DAP: variants seen among roughly 807,000 people sequenced by gnomAD.
The protein encoded by DAP is death associated protein.
In DAP, 8 loss-of-function variants were observed where a neutral mutation model predicts 13.8. The ratio of observed to expected loss-of-function variants is 0.58; its 90% CI spans 0.34 to 1.05. The LOEUF (loss-of-function observed/expected upper bound fraction) is 1.05, where lower values mean the gene tolerates loss of function less well. DAP is among the 50% of genes least tolerant of loss of function. DAP has a pLI of 0.03. For missense variants in DAP, 106 were observed against 133.2 expected (o/e 0.80, Z 1.01); for synonymous variants, 47 against 47.5 (o/e 0.99, Z 0.04).
intron 2 of DAP, among the ~76,000 whole-genome samples, chr5:10,688,367 ATTTTTAAAT>A (rs1175261709): frequency 6.6e-6 from 1 of 152,164 alleles, no homozygotes; most frequent in African/African-American, 2.4e-5. Flanking sequence ...AGCATACAGA[ATTTTTAAAT>A]TTTTAAAATT....
chr5:10,717,248 G>A (rs1739013270), intron 2 of DAP, among the ~76,000 whole-genome samples: 1 of 152,230 alleles, frequency 6.6e-6, no homozygotes, highest in South Asian at 2.1e-4. Flanking sequence ...TGCCCTGAGT[G>A]AGAGTCTTAC....
intron 2 of DAP, among the ~76,000 whole-genome samples, chr5:10,695,119 A>C (rs1738400277): frequency 6.6e-6 from 1 of 152,228 alleles, no homozygotes; most frequent in Admixed American, 6.5e-5. Context: ...GCAGAGGGAA[A>C]CGTCTCACTC....
At chr5:10,726,056 C>T (rs567690822) in intron 2 of DAP, among the ~76,000 whole-genome samples, 4 of 152,298 alleles carry the variant, frequency 2.6e-5, no homozygotes, top group South Asian at 4.2e-4. Flanking sequence ...CCCCAAGGAC[C>T]GATTAAGTTG....
chr5:10,759,911 T>G (rs893231040), intron 1 of DAP, among the ~76,000 whole-genome samples: 4 of 152,026 alleles, frequency 2.6e-5, no homozygotes, highest in African/African-American at 9.7e-5. Context: ...CCCGCCACCA[T>G]GCCCAGCTAA....
intron 2 of DAP, among the ~76,000 whole-genome samples, chr5:10,706,156 T>TA (rs1738694428): frequency 6.6e-6 from 1 of 152,230 alleles, no homozygotes; most frequent in African/African-American, 2.4e-5. Flanking sequence ...GCCATCCACT[T>TA]ACAGGGTGTT....
At chr5:10,688,922 C>T (rs986390246) in intron 2 of DAP, among the ~76,000 whole-genome samples, 7 of 152,146 alleles carry the variant, frequency 4.6e-5, no homozygotes, top group Non-Finnish European at 1.0e-4. Context: ...GTGAGGCTCT[C>T]GGGGGACCTG....
At chr5:10,746,870 C>G (rs973166338) in intron 2 of DAP, among the ~76,000 whole-genome samples, 2 of 152,186 alleles carry the variant, frequency 1.3e-5, no homozygotes, top group African/African-American at 4.8e-5. Flanking sequence ...CAAGAACATG[C>G]ACCACTTCCT....
In DAP at chr5:10,757,115, C is replaced by T. The variant is rs556367898; in HGVS notation, c.55+3899G>A. ...CTCTAACACTCTTCAGAAGCCTTTA[C>T]AAACTGCCTCATTCGTCTCCCACCT... On this transcript the variant is annotated intron_variant, in intron 1 of 3. Coordinates refer to ENST00000230895, the MANE Select transcript of DAP (RefSeq NM_004394.3). 5.3e-5 allele frequency among the ~76,000 whole-genome samples: 8 copies of T among 152,318 alleles called. No homozygotes were observed. The East Asian group carries it at 9.6e-4, about 18-fold the overall frequency.
intron 1 of DAP, among the ~76,000 whole-genome samples, chr5:10,757,830 G>C (rs898385699): frequency 3.9e-5 from 6 of 152,162 alleles, no homozygotes; most frequent in African/African-American, 9.7e-5. Flanking sequence ...GGGGTGAGAA[G>C]AGGCCCTGGG....
At chr5:10,689,491 CGG>C (rs1738245333) in intron 2 of DAP, among the ~76,000 whole-genome samples, 1 of 152,198 alleles carries the variant, frequency 6.6e-6, no homozygotes, top group African/African-American at 2.4e-5. Flanking sequence ...CCCAAATTCA[CGG>C]AGATAGCTCC....
chr5:10,722,569 C>CATATATACAT (rs1412172092), intron 2 of DAP, among the ~76,000 whole-genome samples: 1 of 145,560 alleles, frequency 6.9e-6, no homozygotes, highest in Non-Finnish European at 1.5e-5. Context: ...CATATATATA[C>CATATATACAT]ATACATACAT....
intron 2 of DAP, among the ~76,000 whole-genome samples, chr5:10,717,465 T>C (rs577445409): frequency 6.6e-6 from 1 of 152,328 alleles, no homozygotes; most frequent in South Asian, 2.1e-4. Flanking sequence ...ACTGAGTTTG[T>C]AAACTCTGAT....
chr5:10,737,054 ATTGGAGCTGAGCCAGGTACGGTGGC>A (rs1488588618), intron 2 of DAP, among the ~76,000 whole-genome samples: 1 of 152,158 alleles, frequency 6.6e-6, no homozygotes, highest in Non-Finnish European at 1.5e-5. Context: ...CACTCACAAT[ATTGGAGCTGAGCCAGGTACGGTGGC>A]TCACGCCTGT....
At chr5:10,742,950 C>T (rs914486257) in intron 2 of DAP, among the ~76,000 whole-genome samples, 3 of 152,122 alleles carry the variant, frequency 2.0e-5, no homozygotes, top group Admixed American at 1.3e-4. Flanking sequence ...TCCATCCATC[C>T]ATCTATCCAT....
At chr5:10,738,390 A>G (rs1451170918) in intron 2 of DAP, among the ~76,000 whole-genome samples, 1 of 152,276 alleles carries the variant, frequency 6.6e-6, no homozygotes, top group Non-Finnish European at 1.5e-5. Context: ...GGCAGATGCC[A>G]TCTTAACTGA....
rs536847148 is a variant in DAP at position 10,739,196 on chromosome 5, T to C, written c.152+8979A>G. Among the ~76,000 whole-genome samples the C allele has an allele frequency of 1.4e-3, 34 of 24,488 alleles. No homozygotes were observed. In the East Asian group the frequency reaches 0.014, roughly 10 times the overall value. 16.1% of individuals were successfully genotyped at this position (24,488 alleles called of 152,430 possible). ...CAGCCTGGGTGACAGAGCAAGACTC[T>C]GAATCAAAAAAAAAAAAAAAAAAAA... On this transcript the variant is annotated intron_variant, in intron 2 of 3. Transcript: ENST00000230895.
At chr5:10,704,117 T>G (rs756343469) in intron 2 of DAP, among the ~76,000 whole-genome samples, 16 of 152,326 alleles carry the variant, frequency 1.1e-4, no homozygotes, top group Middle Eastern at 3.4e-3. Flanking sequence ...CCTGATCTCT[T>G]TTACCTGGAG....
intron 2 of DAP, among the ~76,000 whole-genome samples, chr5:10,735,053 G>A (rs562298522): frequency 1.3e-5 from 2 of 152,092 alleles, no homozygotes; most frequent in East Asian, 1.9e-4. Context: ...TCTGGTTAAC[G>A]GGGTAATGAG....
chr5:10,685,777 T>C (rs1367037902), intron 2 of DAP, among the ~76,000 whole-genome samples: 3 of 152,186 alleles, frequency 2.0e-5, no homozygotes, highest in Admixed American at 1.3e-4. Context: ...CTCCAGAAAC[T>C]TGATATAAAA....
Sources: gnomAD v4.1 joint callset for allele counts (sites outside exome capture counted in the v4.1 genomes callset) on GRCh38, gnomAD v4.1.1 for gene constraint, MANE v1.5 for transcripts, NCBI Gene and HGNC (gene_info 2026-07-23, HGNC 2026-07-21) for gene names.